Variants in ERP44 observed in about 807,000 individuals in gnomAD.
ERP44 encodes endoplasmic reticulum protein 44.
In ERP44, 25 loss-of-function variants were observed where a neutral mutation model predicts 53.4. The ratio of observed to expected loss-of-function variants is 0.47; its 90% CI spans 0.34 to 0.65. ERP44 has a LOEUF of 0.65. ERP44 is among the 30% of genes least tolerant of loss of function. ERP44 has a pLI of 0.01. For missense variants in ERP44, 338 were observed against 493.2 expected, an observed-to-expected ratio of 0.69 and a Z score of 2.98; for synonymous variants, 145 against 161.2, an observed-to-expected ratio of 0.90 and a Z score of 0.76.
intron 1 of ERP44, 95 bp downstream of exon 1, chr9:100,098,689 C>G (rs553936188): frequency 3.8e-6 from 4 of 1,059,494 alleles, no homozygotes; most frequent in Non-Finnish European, 5.8e-6. Context: ...CAGGAAAAGA[C>G]GGAAAAGCAG....
At chr9:100,058,283 C>A (rs1826106926) in intron 2 of ERP44, among the ~76,000 whole-genome samples, 1 of 152,110 alleles carries the variant, frequency 6.6e-6, no homozygotes, top group South Asian at 2.1e-4. Flanking sequence ...GGTTATATTG[C>A]CCAGGCTGGT....
At chr9:100,066,820 C>T (rs932712826) in intron 1 of ERP44, among the ~76,000 whole-genome samples, 3 of 152,100 alleles carry the variant, frequency 2.0e-5, no homozygotes, top group Non-Finnish European at 4.4e-5. Flanking sequence ...TGAAATGTCC[C>T]TGGAGAAAAG....
chr9:100,062,097 C>T (rs1169075492), intron 1 of ERP44, among the ~76,000 whole-genome samples: 1 of 152,130 alleles, frequency 6.6e-6, no homozygotes, highest in Non-Finnish European at 1.5e-5. Context: ...CACAGAGATA[C>T]CAAGAAGAAT....
chr9:100,063,476 C>G (rs1826177868), intron 1 of ERP44, among the ~76,000 whole-genome samples: 1 of 151,926 alleles, frequency 6.6e-6, no homozygotes, highest in African/African-American at 2.4e-5. Context: ...TCCTGTCAGC[C>G]CTGGGCAGCA....
intron 1 of ERP44, among the ~76,000 whole-genome samples, chr9:100,078,999 A>C (rs1826389940): frequency 6.6e-6 from 1 of 152,128 alleles, no homozygotes; most frequent in South Asian, 2.1e-4. Context: ...ATATGGGTTC[A>C]AGTTGATAAG....
intron 8 of ERP44, among the ~76,000 whole-genome samples, chr9:100,010,065 T>C (rs748405410): frequency 2.6e-5 from 4 of 152,240 alleles, no homozygotes; most frequent in Non-Finnish European, 5.9e-5. Context: ...TCTGTACATA[T>C]GAAATATTAA....
intron 7 of ERP44, among the ~76,000 whole-genome samples, chr9:100,016,804 G>A (rs1467913731): frequency 6.6e-6 from 1 of 152,180 alleles, no homozygotes; most frequent in Non-Finnish European, 1.5e-5. Context: ...CCAAGAAAGA[G>A]GGCCATGGGT....
rs1358522167 is a variant in ERP44 at position 99,995,936 on chromosome 9, TTTTTTA to T, written c.1016+10564_1016+10569del. ...AGGGTAGTTCTTTTTTTTTTTTTTT[TTTTTTA>T]TTTTGAGTAAACTCCATACTGTTTT... is the stretch of plus-strand genomic sequence containing the variant. On this transcript the variant is annotated intron_variant, in intron 10 of 11. Transcript: ENST00000262455. 1.2e-3 allele frequency among the ~76,000 whole-genome samples: 179 copies of T among 151,178 alleles called. No individual in the cohort carries two copies. The Middle Eastern group carries it at 0.014, about 12-fold the overall frequency.
At chr9:100,008,755 T>C (rs1830443254) in intron 8 of ERP44, among the ~76,000 whole-genome samples, 1 of 152,206 alleles carries the variant, frequency 6.6e-6, no homozygotes, top group Non-Finnish European at 1.5e-5. Context: ...ACAATTAGCA[T>C]ACCATAAATT....
chr9:100,067,617 T>C (rs1356091942), intron 1 of ERP44, among the ~76,000 whole-genome samples: 4 of 152,076 alleles, frequency 2.6e-5, no homozygotes, highest in Admixed American at 6.5e-5. Context: ...CGCCACCCCG[T>C]CTGGGAAGTG....
At chr9:100,041,862 A>G (rs1329231614) in intron 4 of ERP44, among the ~76,000 whole-genome samples, 1 of 152,224 alleles carries the variant, frequency 6.6e-6, no homozygotes, top group Non-Finnish European at 1.5e-5. Context: ...ATGCAGAAGA[A>G]TGAAACTAGA....
At chr9:99,998,305 T>G (rs1172771851) in intron 10 of ERP44, 9 of 454,858 alleles carry the variant, frequency 2.0e-5, no homozygotes, top group Non-Finnish European at 3.7e-5. Context: ...AGTGACTCAT[T>G]CTGCCTCTTC....
chr9:99,983,341 C>G (rs1258956181), intron 11 of ERP44, among the ~76,000 whole-genome samples: 2 of 151,738 alleles, frequency 1.3e-5, no homozygotes, highest in African/African-American at 4.8e-5. Context: ...GTCAGGAGAT[C>G]GAGACCATCC....
intron 11 of ERP44, among the ~76,000 whole-genome samples, chr9:99,983,403 G>A: frequency 6.6e-6 from 1 of 151,548 alleles, no homozygotes; most frequent in Non-Finnish European, 1.5e-5. Context: ...AAATTAGCCG[G>A]GCGCGGTGGC....
At chr9:100,000,066 T>C (rs907710467) in intron 10 of ERP44, among the ~76,000 whole-genome samples, 1 of 152,156 alleles carries the variant, frequency 6.6e-6, no homozygotes, top group Admixed American at 6.5e-5. Context: ...TTTGCATCTA[T>C]GTTTATCAAG....
chr9:100,013,158 A>C (rs74505154), intron 8 of ERP44, among the ~76,000 whole-genome samples: 1 of 152,190 alleles, frequency 6.6e-6, no homozygotes. Flanking sequence ...AATCTTGGAG[A>C]ATTCACATAT....
At chr9:100,095,170 A>G (rs1167770717) in intron 1 of ERP44, among the ~76,000 whole-genome samples, 1 of 152,140 alleles carries the variant, frequency 6.6e-6, no homozygotes, top group Non-Finnish European at 1.5e-5. Context: ...ACCTAACAAT[A>G]TATATGCAGC....
intron 10 of ERP44, among the ~76,000 whole-genome samples, chr9:99,996,058 A>G (rs2118615057): frequency 6.7e-6 from 1 of 149,610 alleles, no homozygotes; most frequent in African/African-American, 2.5e-5. Context: ...TGTCTCTTTT[A>G]TAATAGTCAT....
intron 1 of ERP44, among the ~76,000 whole-genome samples, chr9:100,077,709 T>C (rs562407076): frequency 4.3e-4 from 65 of 152,292 alleles, no homozygotes; most frequent in African/African-American, 1.4e-3. Context: ...ACTCCTCCTA[T>C]CTTTAAGCCA....
Sources: gnomAD v4.1 joint callset for allele counts (sites outside exome capture counted in the v4.1 genomes callset) on GRCh38, gnomAD v4.1.1 for gene constraint, MANE v1.5 for transcripts, NCBI Gene and HGNC (gene_info 2026-07-23, HGNC 2026-07-21) for gene names.